The following FBLN7 variants were observed in gnomAD, a reference collection of about 807,000 sequenced individuals.
The protein encoded by FBLN7 is fibulin 7.
In FBLN7, 31 loss-of-function variants were observed where a neutral mutation model predicts 44.0. The ratio of observed to expected loss-of-function variants is 0.70; its 90% confidence interval spans 0.53 to 0.95. FBLN7 has a LOEUF of 0.95. Among genes scored for constraint, FBLN7 ranks in the 40% least tolerant of loss-of-function variants. The probability of loss-of-function intolerance (pLI) is 0.00; values close to 1 mark genes in which losing one functional copy is unlikely to be tolerated. For missense variants in FBLN7, 573 were observed against 618.5 expected, an observed-to-expected ratio of 0.93 and a Z score of 0.78; for synonymous variants, 262 against 253.4, an observed-to-expected ratio of 1.03 and a Z score of -0.32.
Position 112,138,556 on chromosome 2 carries a change from C to T in FBLN7, c.-100C>T. On this transcript the variant is annotated 5_prime_UTR_variant, in exon 1 of 8. Transcript: ENST00000331203. ...CCAGCCGCCCCCCGGCCGCGCGGCG[C>T]CCCGCACCCTGCAGGGACGGCTGCC... 3 of 1,564,958 alleles carry T rather than the reference C, an allele frequency of 1.9e-6. No individual in the cohort carries two copies. The highest frequency in any genetic ancestry group is 2.3e-5 in the South Asian group (2 of 88,866).
the FBLN7 span, among the ~76,000 whole-genome samples, chr2:112,202,022 CAAAT>C: frequency 6.6e-6 from 1 of 152,098 alleles, no homozygotes; most frequent in African/African-American, 2.4e-5. Flanking sequence ...CACATCCAGG[CAAAT>C]AAATTTGGAG....
chr2:112,234,382 T>C, the FBLN7 span: 1 of 592,574 alleles, frequency 1.7e-6, no homozygotes, highest in Non-Finnish European at 2.9e-6. Flanking sequence ...TGGATTTCTG[T>C]ACACCAGGTT....
the FBLN7 span, among the ~76,000 whole-genome samples, chr2:112,224,031 C>T: frequency 6.6e-6 from 1 of 151,996 alleles, no homozygotes; most frequent in Non-Finnish European, 1.5e-5. Flanking sequence ...CCCAGCTACC[C>T]AGGAGGCTGA....
In FBLN7 at chr2:112,138,623, C is replaced by T. The variant is rs368237815; in HGVS notation, c.-33C>T. The T allele has an allele frequency of 1.7e-4, 267 of 1,602,640 alleles. No individual in the cohort carries two copies. The highest frequency in any genetic ancestry group is 8.4e-4 in the Admixed American group (50 of 59,592). Reference sequence around the variant, plus strand: ...CTCGGCAGCGGAGGCAAAGTTATTTCCCCTCCCAGGCAGCGGGATTCCGAC... The same window carrying T: ...CTCGGCAGCGGAGGCAAAGTTATTTTCCCTCCCAGGCAGCGGGATTCCGAC... On this transcript the variant is annotated 5_prime_UTR_variant, in exon 1 of 8. Coordinates refer to ENST00000331203, the MANE Select transcript of FBLN7 (RefSeq NM_153214.3).
chr2:112,197,274 C>CACACACACACACACACACAGAGAG, the FBLN7 span, among the ~76,000 whole-genome samples: 2 of 98,596 alleles, frequency 2.0e-5, no homozygotes. Context: ...CACACACACA[C>CACACACACACACACACACAGAGAG]AGAGAGAGAG....
intron 1 of FBLN7, among the ~76,000 whole-genome samples, chr2:112,157,518 A>G (rs1681491615): frequency 1.3e-5 from 2 of 152,154 alleles, no homozygotes; most frequent in African/African-American, 4.8e-5. Flanking sequence ...GTGAATGTGA[A>G]TGGCCTTAGT....
chr2:112,233,155 T>C, the FBLN7 span: 1 of 665,968 alleles, frequency 1.5e-6, no homozygotes, highest in Non-Finnish European at 2.5e-6. Context: ...GCTTGGATAA[T>C]ATCATTTTGG....
intron 1 of FBLN7, among the ~76,000 whole-genome samples, chr2:112,142,972 CTG>C (rs1379097510): frequency 6.6e-6 from 1 of 151,986 alleles, no homozygotes; most frequent in African/African-American, 2.4e-5. Flanking sequence ...GATTGTGTCT[CTG>C]TGATTGTGTA....
chr2:112,192,944 A>C (rs10190845), downstream of FBLN7, among the ~76,000 whole-genome samples: 146,685 of 152,240 alleles, frequency 0.96, 70,730 homozygotes, highest in East Asian at 1. Flanking sequence ...AGGGGACAGA[A>C]AATAGATGTG....
At chr2:112,165,355 C>G (rs1326967372) in intron 3 of FBLN7, among the ~76,000 whole-genome samples, 184 bp downstream of exon 3, 1 of 152,222 alleles carries the variant, frequency 6.6e-6, no homozygotes, top group Admixed American at 6.5e-5. Flanking sequence ...TGGTCTCTAT[C>G]TGTATGAGCT....
intron 2 of FBLN7, among the ~76,000 whole-genome samples, chr2:112,163,065 C>T (rs747146240): frequency 3.3e-5 from 5 of 152,304 alleles, no homozygotes; most frequent in South Asian, 4.1e-4. Flanking sequence ...TCAAGGAAGG[C>T]GATGCAGCAA....
chr2:112,165,093 G>A lies in FBLN7; in HGVS notation c.328G>A (p.Gly110Arg). The change falls in exon 3 of 8, where the codon GGG becomes AGG. Residue 110 changes from glycine to arginine, a missense_variant. By Grantham distance (125) the Gly-to-Arg change is moderately radical. Transcript: ENST00000331203. The stretch of plus-strand genomic sequence containing the variant: ...CGAAGTCCATTTTACCTGCAACCCT[G>A]GGTTCCGGCTGGTCGGGCCCAGCAG... ...DHEVHFTCNP[G>R]FRLVGPSSVV... 1 of 1,614,178 alleles carries A rather than the reference G, an allele frequency of 6.2e-7. No homozygotes were observed. The highest frequency in any genetic ancestry group is 1.3e-5 in the African/African-American group (1 of 75,036).
chr2:112,160,003 T>A (rs1220154636), intron 2 of FBLN7, among the ~76,000 whole-genome samples, 168 bp downstream of exon 2: 1 of 151,918 alleles, frequency 6.6e-6, no homozygotes, highest in Admixed American at 6.6e-5. Flanking sequence ...ATTTATTTAT[T>A]TTTTTGAGAC....
chr2:112,187,930 G>A lies in FBLN7; in HGVS notation c.*424G>A, dbSNP rs894515188. 6.1e-5 allele frequency: 14 copies of A among 229,572 alleles called. No homozygotes were observed. The highest frequency in any genetic ancestry group is 3.0e-4 in the East Asian group (3 of 10,026). The allele number at this position is 229,572 out of a possible 1,614,324, so 14.2% of individuals were successfully genotyped here. On this transcript the variant is annotated 3_prime_UTR_variant, in exon 8 of 8. Transcript: ENST00000331203. The surrounding 1 kb of genome is among the most constrained non-coding windows in gnomAD (Gnocchi z 5.1). Reference sequence around the variant, plus strand: ...ATGAATGAAACGGTTCTAGTCGTGCGGGGGGCCCTAGTCATGCCTCTGCGC... The same window carrying A: ...ATGAATGAAACGGTTCTAGTCGTGCAGGGGGCCCTAGTCATGCCTCTGCGC...
chr2:112,219,091 G>T, the FBLN7 span, among the ~76,000 whole-genome samples: 3 of 151,996 alleles, frequency 2.0e-5, no homozygotes, highest in Admixed American at 6.5e-5. Flanking sequence ...TCCAGAAATA[G>T]AAAAATCTGT....
At chr2:112,165,287 T>C in intron 3 of FBLN7, 116 bp downstream of exon 3, 1 of 1,313,640 alleles carries the variant, frequency 7.6e-7, no homozygotes, top group Non-Finnish European at 1.0e-6. Flanking sequence ...TAATCATTCC[T>C]CAACCACAGA....
the FBLN7 span, among the ~76,000 whole-genome samples, chr2:112,220,325 C>A: frequency 2.0e-5 from 3 of 152,150 alleles, no homozygotes; most frequent in African/African-American, 7.2e-5. Context: ...CCCTTCAGGA[C>A]CTCTTGTAAG....
chr2:112,234,797 C>T, the FBLN7 span, among the ~76,000 whole-genome samples: 7 of 150,582 alleles, frequency 4.6e-5, no homozygotes, highest in African/African-American at 1.7e-4. Context: ...GAGACTCCAT[C>T]TCAGGGAGAA....
In FBLN7 at chr2:112,175,891, G is replaced by A. The variant is rs372535429; in HGVS notation, c.532+52G>A. On this transcript the variant is annotated intron_variant, in intron 4 of 7. Transcript: ENST00000331203. ...AGGACATCCTGCTGTGGGGAGAGGA[G>A]GACCCTAGGCATAGGTCCCCAAATG... 8.8e-6 allele frequency: 14 copies of A among 1,593,616 alleles called. No homozygotes were observed. The African/African-American group carries it at 1.2e-4, about 14-fold the overall frequency.
Sources: allele counts gnomAD v4.1 joint callset (sites outside exome capture counted in the v4.1 genomes callset), GRCh38; gene constraint gnomAD v4.1.1; non-coding constraint Gnocchi (gnomAD v3.1); transcripts MANE v1.5; gene names NCBI Gene and HGNC (gene_info 2026-07-23, HGNC 2026-07-21).